Variants in DRD3 observed in about 807,000 individuals in gnomAD.
DRD3 encodes the protein dopamine receptor D3, also known as D(3) dopamine receptor.
DRD3 carries 19 observed loss-of-function variants against 36.3 expected under a neutral mutation model. The observed-to-expected ratio is 0.52, with a 90% CI of 0.36 to 0.77. The LOEUF (loss-of-function observed/expected upper bound fraction) is 0.77, where lower values mean the gene tolerates loss of function less well. Among genes scored for constraint, DRD3 ranks in the 30% least tolerant of loss-of-function variants. The pLI, the probability that DRD3 is intolerant of heterozygous loss-of-function variation, is 0.00. For missense variants in DRD3, 465 were observed against 505.3 expected (o/e 0.92, Z 0.77); for synonymous variants, 195 against 203.7 (o/e 0.96, Z 0.36).
chr3:114,189,326 G>A (rs2077991500), intron 1 of DRD3, among the ~76,000 whole-genome samples: 1 of 152,200 alleles, frequency 6.6e-6, no homozygotes, highest in Non-Finnish European at 1.5e-5. Flanking sequence ...GTAGCTGAAA[G>A]ATCATCAGAC....
chr3:114,190,473 T>G (rs2078005297), intron 1 of DRD3, among the ~76,000 whole-genome samples: 1 of 35,528 alleles, frequency 2.8e-5, no homozygotes, highest in Non-Finnish European at 4.7e-5. Context: ...TTTTTTTTTT[T>G]TTTTTTTTTT....
At chr3:114,132,412 G>C (rs1423009096) in intron 5 of DRD3, among the ~76,000 whole-genome samples, 1 of 152,066 alleles carries the variant, frequency 6.6e-6, no homozygotes, top group Non-Finnish European at 1.5e-5. Context: ...GTCAAGGGAT[G>C]GGGGGCAAGG....
chr3:114,183,904 T>C (rs1587756), upstream of DRD3, among the ~76,000 whole-genome samples: 21,867 of 152,140 alleles, frequency 0.14, 1,854 homozygotes, highest in Admixed American at 0.23. Flanking sequence ...TCATGTGTTT[T>C]TTATCCATTC....
At chr3:114,157,985 C>G (rs1056046350) in intron 3 of DRD3, among the ~76,000 whole-genome samples, 2 of 152,026 alleles carry the variant, frequency 1.3e-5, no homozygotes, top group African/African-American at 4.8e-5. Context: ...GCCTGTAATC[C>G]CAGCTATTTG....
intron 1 of DRD3, 127 bp from the exon 2 acceptor site, chr3:114,172,154 G>T: frequency 1.4e-6 from 1 of 717,354 alleles, no homozygotes; most frequent in Non-Finnish European, 2.0e-6. Flanking sequence ...AGGCACTGTT[G>T]TGAGAGTTGG....
At chr3:114,192,429 G>A (rs1015258280) in intron 1 of DRD3, among the ~76,000 whole-genome samples, 1 of 152,250 alleles carries the variant, frequency 6.6e-6, no homozygotes, top group South Asian at 2.1e-4. Flanking sequence ...TGTCTGGCTA[G>A]GGTCTGTATA....
At chr3:114,165,014 G>T (rs917366361) in intron 2 of DRD3, among the ~76,000 whole-genome samples, 1 of 152,244 alleles carries the variant, frequency 6.6e-6, no homozygotes, top group African/African-American at 2.4e-5. Flanking sequence ...GCCTCCCGAA[G>T]TGCTGAGATT....
intron 5 of DRD3, among the ~76,000 whole-genome samples, chr3:114,137,153 C>G (rs1401537671): frequency 6.6e-6 from 1 of 152,166 alleles, no homozygotes; most frequent in Non-Finnish European, 1.5e-5. Context: ...AGGTTTCATT[C>G]TGGGGTGAGA....
At chr3:114,138,970 C>A (rs1223027401) in intron 5 of DRD3, among the ~76,000 whole-genome samples, 1 of 152,200 alleles carries the variant, frequency 6.6e-6, no homozygotes, top group Admixed American at 6.5e-5. Flanking sequence ...AAGATCATTG[C>A]AGAGGCAATG....
At chr3:114,172,184 A>G (rs2077852476) in intron 1 of DRD3, among the ~76,000 whole-genome samples, 157 bp from the exon 2 acceptor site, 1 of 152,232 alleles carries the variant, frequency 6.6e-6, no homozygotes, top group Non-Finnish European at 1.5e-5. Flanking sequence ...AATGAACAAA[A>G]CAGATAAAAT....
intron 3 of DRD3, among the ~76,000 whole-genome samples, chr3:114,153,352 T>C (rs1023846234): frequency 6.6e-6 from 1 of 152,140 alleles, no homozygotes; most frequent in Non-Finnish European, 1.5e-5. Flanking sequence ...TCATAATTAT[T>C]GTGCTAGCTC....
intron 6 of DRD3, among the ~76,000 whole-genome samples, chr3:114,129,504 T>C (rs751946965): frequency 3.3e-5 from 5 of 152,202 alleles, no homozygotes; most frequent in Non-Finnish European, 7.3e-5. Context: ...TCTTTACTAG[T>C]CTTTTTCTTT....
At chr3:114,174,444 G>T (rs1036214615) in intron 1 of DRD3, among the ~76,000 whole-genome samples, 36 of 152,180 alleles carry the variant, frequency 2.4e-4, no homozygotes, top group Non-Finnish European at 2.6e-4. Context: ...CTGCCAAGAG[G>T]TTTGACAGCT....
At chr3:114,137,954 C>T (rs1362805937) in intron 5 of DRD3, among the ~76,000 whole-genome samples, 14 of 140,688 alleles carry the variant, frequency 1.0e-4, no homozygotes, top group South Asian at 9.4e-4. Context: ...GCTGAGATTG[C>T]GCCACTGCAC....
chr3:114,130,451 G>A (rs1387758028), intron 6 of DRD3, among the ~76,000 whole-genome samples: 2 of 146,078 alleles, frequency 1.4e-5, no homozygotes, highest in African/African-American at 5.1e-5. Flanking sequence ...TTGAGATGGA[G>A]TCTTGCTCTG....
At chr3:114,184,083 T>C (rs2077962202) in intron 1 of DRD3, among the ~76,000 whole-genome samples, 2 of 152,214 alleles carry the variant, frequency 1.3e-5, no homozygotes, top group African/African-American at 2.4e-5. Flanking sequence ...GTTGATGTTT[T>C]GTGGTGAAAT....
At chr3:114,167,930 A>G (rs915351974) in intron 2 of DRD3, among the ~76,000 whole-genome samples, 5 of 152,196 alleles carry the variant, frequency 3.3e-5, no homozygotes, top group African/African-American at 1.2e-4. Context: ...TGAGACCTAT[A>G]GCTTAGCCTG....
At chr3:114,139,180 C>T (rs1281775521) in intron 5 of DRD3, among the ~76,000 whole-genome samples, 5 of 152,204 alleles carry the variant, frequency 3.3e-5, no homozygotes, top group South Asian at 2.1e-4. Flanking sequence ...ACAACTGCTG[C>T]ACTTAAACTT....
intron 4 of DRD3, among the ~76,000 whole-genome samples, chr3:114,146,698 CAAAAAAA>C (rs72463214): frequency 3.4e-5 from 2 of 58,148 alleles, no homozygotes; most frequent in Non-Finnish European, 7.4e-5. Context: ...GACTTGGTCT[CAAAAAAA>C]AAAAAAAAAG....
Sources: allele counts gnomAD v4.1 joint callset (sites outside exome capture counted in the v4.1 genomes callset), GRCh38; gene constraint gnomAD v4.1.1; transcripts MANE v1.5; gene names NCBI Gene and HGNC (gene_info 2026-07-23, HGNC 2026-07-21).